The following EPM2A variants were observed in gnomAD, a reference collection of about 807,000 sequenced individuals.
EPM2A encodes the protein EPM2A glucan phosphatase, laforin.
A neutral mutation model predicts 26.5 loss-of-function variants in EPM2A; 21 were observed. That is an observed-to-expected ratio of 0.79 (90% CI 0.56 to 1.14). The LOEUF (loss-of-function observed/expected upper bound fraction) is 1.14, where lower values mean the gene tolerates loss of function less well. EPM2A is among the 50% of genes most tolerant of loss of function. The pLI, the probability that EPM2A is intolerant of heterozygous loss-of-function variation, is 0.00. For missense variants in EPM2A, 458 were observed against 440.8 expected (o/e 1.04, Z -0.35); for synonymous variants, 217 against 177.6 (o/e 1.22, Z -1.76).
intron 1 of EPM2A, among the ~76,000 whole-genome samples, chr6:145,712,069 G>A (rs1775360633): frequency 6.6e-6 from 1 of 152,134 alleles, no homozygotes; most frequent in South Asian, 2.1e-4. Context: ...GTGAAGTTCA[G>A]GTGGAAGAAT....
intron 2 of EPM2A, among the ~76,000 whole-genome samples, chr6:145,680,972 C>T (rs1236783818): frequency 6.6e-6 from 1 of 151,472 alleles, no homozygotes; most frequent in Non-Finnish European, 1.5e-5. Flanking sequence ...GCCACACTGA[C>T]TTCCACAAGG....
intron 2 of EPM2A, among the ~76,000 whole-genome samples, chr6:145,606,058 C>T (rs552848726): frequency 1.3e-5 from 2 of 152,124 alleles, no homozygotes; most frequent in Admixed American, 1.3e-4. Context: ...TGGTAATTCC[C>T]TTAGCAAAAG....
In EPM2A at chr6:145,425,382, C is replaced by T. The variant is rs1287026338; in HGVS notation, c.556-41285G>A. 3.9e-5 allele frequency among the ~76,000 whole-genome samples: 6 copies of T among 152,152 alleles called. No individual in the cohort carries two copies. In the South Asian group the frequency reaches 1.2e-3, roughly 32 times the overall value. On this transcript the variant is annotated intron_variant, in intron 4 of 4. Coordinates refer to the EPM2A transcript ENST00000638717. ...TAGATACAGGGTTTCGCCATGTTGG[C>T]CAGGCTGCTCTTGAACCCCTGACCT...
intron 1 of EPM2A, among the ~76,000 whole-genome samples, chr6:145,717,839 G>C (rs1370386556): frequency 6.6e-6 from 1 of 151,436 alleles, no homozygotes; most frequent in African/African-American, 2.4e-5. Flanking sequence ...CAAACAGAGA[G>C]ACAAATCATG....
At chr6:145,712,116 G>A (rs893293865) in intron 1 of EPM2A, among the ~76,000 whole-genome samples, 1 of 152,078 alleles carries the variant, frequency 6.6e-6, no homozygotes. Context: ...AGCATCAAAA[G>A]TTTATGAAGA....
intron 4 of EPM2A, among the ~76,000 whole-genome samples, chr6:145,427,711 T>C (rs1778869815): frequency 6.6e-6 from 1 of 152,224 alleles, no homozygotes; most frequent in Non-Finnish European, 1.5e-5. Context: ...CCCTTACTAC[T>C]GTCTTCTCAT....
chr6:145,731,075 T>TA (rs200330035), intron 1 of EPM2A, among the ~76,000 whole-genome samples: 12,532 of 143,984 alleles, frequency 0.087, 1,241 homozygotes, highest in African/African-American at 0.24. Context: ...GACCTAGAGG[T>TA]AAAAAAAAAA....
chr6:145,546,666 G>C (rs2114799759), intron 2 of EPM2A, among the ~76,000 whole-genome samples: 1 of 152,236 alleles, frequency 6.6e-6, no homozygotes, highest in East Asian at 1.9e-4. Context: ...TTGAGGGAGT[G>C]TGTTATTTTC....
intron 2 of EPM2A, among the ~76,000 whole-genome samples, chr6:145,581,858 A>G (rs1781118968): frequency 6.6e-6 from 1 of 152,146 alleles, no homozygotes; most frequent in South Asian, 2.1e-4. Context: ...AGTGGAATAG[A>G]TAACCGTAGG....
At chr6:145,580,752 T>C (rs1244574011) in intron 2 of EPM2A, among the ~76,000 whole-genome samples, 1 of 152,182 alleles carries the variant, frequency 6.6e-6, no homozygotes, top group African/African-American at 2.4e-5. Flanking sequence ...CTGCCACTTA[T>C]AAATGAGAAC....
chr6:145,534,798 GTCATTTGGTGATATA>G (rs1048936688), intron 2 of EPM2A, among the ~76,000 whole-genome samples: 1 of 152,104 alleles, frequency 6.6e-6, no homozygotes, highest in Non-Finnish European at 1.5e-5. Context: ...CTCATAAAGC[GTCATTTGGTGATATA>G]TCTGCATCTG....
At chr6:145,535,938 A>G (rs1032938690) in intron 2 of EPM2A, among the ~76,000 whole-genome samples, 2 of 152,212 alleles carry the variant, frequency 1.3e-5, no homozygotes, top group Non-Finnish European at 2.9e-5. Flanking sequence ...AAGGTAGGGG[A>G]AAAAATCCTT....
chr6:145,401,264 T>C (rs1452285471), intron 4 of EPM2A, among the ~76,000 whole-genome samples: 1 of 152,128 alleles, frequency 6.6e-6, no homozygotes, highest in Non-Finnish European at 1.5e-5. Context: ...GCAGCATTTG[T>C]CATATGCATA....
chr6:145,568,321 ACT>A (rs1491095786), intron 2 of EPM2A, among the ~76,000 whole-genome samples: 2 of 132,336 alleles, frequency 1.5e-5, no homozygotes, highest in African/African-American at 5.5e-5. Context: ...AGGACATCTG[ACT>A]TTTTTTTTTT....
intron 2 of EPM2A, among the ~76,000 whole-genome samples, chr6:145,560,094 G>T (rs1780784006): frequency 6.6e-6 from 1 of 152,038 alleles, no homozygotes; most frequent in South Asian, 2.1e-4. Flanking sequence ...CAGTGGCAAG[G>T]TGCTGTGGGT....
At chr6:145,539,909 G>A (rs1780483659) in intron 2 of EPM2A, among the ~76,000 whole-genome samples, 1 of 152,096 alleles carries the variant, frequency 6.6e-6, no homozygotes, top group Non-Finnish European at 1.5e-5. Flanking sequence ...CAGGCTCTGG[G>A]CCACTATCCA....
intron 2 of EPM2A, among the ~76,000 whole-genome samples, chr6:145,576,450 G>A (rs1781032886): frequency 6.6e-6 from 1 of 152,062 alleles, no homozygotes; most frequent in Admixed American, 6.5e-5. Flanking sequence ...ATATCACAAA[G>A]TACAGATTGG....
At chr6:145,582,069 G>A (rs896390409) in intron 2 of EPM2A, among the ~76,000 whole-genome samples, 2 of 152,014 alleles carry the variant, frequency 1.3e-5, no homozygotes, top group Admixed American at 6.5e-5. Flanking sequence ...TTCTTATGTG[G>A]GTGTTTGGTG....
Position 145,635,261 on chromosome 6 carries a change from T to C in EPM2A, c.702A>G (p.Pro234=), listed in dbSNP as rs549632635. 6.2e-7 allele frequency: 1 copy of C among 1,614,204 alleles called. No homozygotes were observed. Among genetic ancestry groups the C allele is most frequent in the Admixed American group, 1.7e-5 (1 of 60,030 alleles). The part of the protein sequence containing the change: ...EGLAYIWMPT[P]DMSTEGRVQM... ...GATCCTTACCTTCGGTGCTCATATC[T>C]GGTGTTGGCATCCAGATGTAGGCCA... Residue 234 remains proline, a synonymous_variant, in exon 3 of 4, where the codon CCA becomes CCG. Coordinates refer to ENST00000367519, the MANE Select transcript of EPM2A (RefSeq NM_005670.4).
Sources: gnomAD v4.1 joint callset for allele counts (sites outside exome capture counted in the v4.1 genomes callset) on GRCh38, gnomAD v4.1.1 for gene constraint, MANE v1.5 for transcripts, NCBI Gene and HGNC (gene_info 2026-07-23, HGNC 2026-07-21) for gene names.